The following WDTC1 variants were observed in gnomAD, a reference collection of about 807,000 sequenced individuals.
The protein encoded by WDTC1 is WD and tetratricopeptide repeats 1, also known as WD and tetratricopeptide repeats protein 1.
Under a neutral mutation model 76.0 loss-of-function variants are expected in WDTC1, and 12 were observed. The observed-to-expected ratio is 0.16, with a 90% CI of 0.10 to 0.26. The LOEUF (loss-of-function observed/expected upper bound fraction) is 0.26, where lower values mean the gene tolerates loss of function less well. WDTC1 is among the 10% of genes least tolerant of loss of function. WDTC1 has a pLI of 1.00. For synonymous variants in WDTC1, 326 were observed against 350.8 expected (o/e 0.93, Z 0.79); for missense variants, 511 against 908.8 (o/e 0.56, Z 5.63).
At chr1:27,256,931 G>T (rs928703232) in intron 1 of WDTC1, among the ~76,000 whole-genome samples, 1 of 152,106 alleles carries the variant, frequency 6.6e-6, no homozygotes, top group Non-Finnish European at 1.5e-5. Flanking sequence ...GCACGATCTC[G>T]TCTCACTGCA....
chr1:27,296,540 G>T lies in WDTC1; in HGVS notation c.949+139G>T, dbSNP rs577084173. The T allele has an allele frequency of 1.6e-5, 14 of 854,848 alleles. No homozygotes were observed. In the South Asian group the frequency reaches 2.2e-4, roughly 14 times the overall value. 53.0% of individuals were successfully genotyped at this position (854,848 alleles called of 1,614,324 possible). A position where few individuals can be genotyped will look rare whatever the true frequency, so the allele number is the denominator to read the frequency against. The stretch of plus-strand genomic sequence containing the variant: ...AGATCTCTGAAATAACCCCACCTAT[G>T]CAGTAAGAAAGAGGATGACAATAGA... On this transcript the variant is annotated intron_variant, in intron 10 of 15. Coordinates refer to ENST00000319394, the MANE Select transcript of WDTC1 (RefSeq NM_001276252.2).
chr1:27,303,668 A>G lies in WDTC1; in HGVS notation c.1516A>G (p.Thr506Ala). 1 of 1,611,888 alleles carries G rather than the reference A, an allele frequency of 6.2e-7. No homozygotes were observed. The highest frequency in any genetic ancestry group is 1.1e-5 in the South Asian group (1 of 90,698). The part of the protein sequence containing the change: ...GGGAPVRLRS[T>A]SRKDSISEDE... ...CGGCGCCCCAGTCCGCCTCCGCAGC[A>G]CGAGCCGCAAGGACTCCATCTCAGA... Residue 506 changes from threonine (T) to alanine (A), a missense_variant, in exon 14 of 16, where the codon ACG becomes GCG. Transcript: ENST00000319394. This position sits in a 1 kb window ranked among gnomAD's most constrained non-coding sequence, Gnocchi z 4.8.
chr1:27,253,760 AC>A (rs143948107), intron 1 of WDTC1, among the ~76,000 whole-genome samples: 1 of 152,252 alleles, frequency 6.6e-6, no homozygotes, highest in Non-Finnish European at 1.5e-5. Context: ...GCAGAACTGA[AC>A]ATTATGTAAT....
At chr1:27,282,212 T>C (rs780476768) in intron 3 of WDTC1, 27 bp from the exon 4 acceptor site, 1 of 1,613,282 alleles carries the variant, frequency 6.2e-7, no homozygotes, top group Non-Finnish European at 8.5e-7. Flanking sequence ...ACCAACTCTC[T>C]TCCTGTCTCT....
chr1:27,235,483 T>C (rs574747521), intron 1 of WDTC1, among the ~76,000 whole-genome samples: 68 of 151,228 alleles, frequency 4.5e-4, no homozygotes, highest in African/African-American at 1.6e-3. Flanking sequence ...CAAACAACTC[T>C]GCCAAGGTGT....
Position 27,237,072 on chromosome 1 carries a change from G to A in WDTC1, c.-100+2121G>A, listed in dbSNP as rs556374173. On this transcript the variant is annotated intron_variant, in intron 1 of 15. Coordinates refer to ENST00000319394, the MANE Select transcript of WDTC1 (RefSeq NM_001276252.2). ...AGGCTGGTCTTGAACTCCTGACCTCGTGATCCACCGACCTCGGCCTCCCAG... is the reference window on the plus strand; with the variant it reads ...AGGCTGGTCTTGAACTCCTGACCTCATGATCCACCGACCTCGGCCTCCCAG... Among the ~76,000 whole-genome samples the A allele has an allele frequency of 7.3e-4, 111 of 152,192 alleles. 1 individual carries two copies. Among genetic ancestry groups the A allele is most frequent in the Non-Finnish European group, 8.4e-4 (57 of 68,006 alleles).
chr1:27,282,249 G>A lies in WDTC1; in HGVS notation c.143G>A (p.Gly48Glu). The A allele has an allele frequency of 6.2e-7, 1 of 1,613,818 alleles. No homozygotes were observed. The highest frequency in any genetic ancestry group is 8.5e-7 in the Non-Finnish European group (1 of 1,179,810). The stretch of plus-strand genomic sequence containing the variant: ...CATTTGCTCCCCCAGGGTCACTCAG[G>A]ATGTGTCAACTGTCTGGAGTGGAAT... ...GLEAELQGHS[G>E]CVNCLEWNEK... Residue 48 changes from glycine (G) to glutamate (E), a missense_variant, in exon 4 of 16, where the codon GGA (glycine) becomes GAA (glutamate). Gly to Glu is a moderately conservative substitution (Grantham distance 98). Coordinates refer to ENST00000319394, the MANE Select transcript of WDTC1 (RefSeq NM_001276252.2).
intron 6 of WDTC1, among the ~76,000 whole-genome samples, chr1:27,290,003 AGAGAGGGAGAGGGAGACCGTGGG>A (rs1339368707): frequency 3.4e-4 from 51 of 148,462 alleles, no homozygotes; most frequent in Middle Eastern, 7.0e-3. Flanking sequence ...GACCGTGGAA[AGAGAGGGAGAGGGAGACCGTGGG>A]GAGAGGGAGA....
chr1:27,283,301 T>C, intron 4 of WDTC1, 37 bp from the exon 5 acceptor site: 1 of 1,588,982 alleles, frequency 6.3e-7, no homozygotes, highest in Middle Eastern at 1.7e-4. Context: ...AGCCTAGGAA[T>C]TTGAGGAGAG....
intron 5 of WDTC1, among the ~76,000 whole-genome samples, chr1:27,286,033 G>A (rs1231485573): frequency 1.5e-5 from 1 of 64,546 alleles, no homozygotes; most frequent in South Asian, 5.4e-4. Flanking sequence ...ATGGAGTCTT[G>A]TTTGCTCTGT....
intron 1 of WDTC1, among the ~76,000 whole-genome samples, chr1:27,242,526 A>G (rs1425402781): frequency 1.3e-5 from 2 of 150,804 alleles, no homozygotes; most frequent in African/African-American, 2.4e-5. Flanking sequence ...CTGGAGTGCA[A>G]TGGTGCAATC....
chr1:27,308,191 C>T lies in WDTC1; in HGVS notation c.*1808C>T, dbSNP rs1220667436. The T allele has an allele frequency of 4.6e-5, 7 of 152,386 alleles. No homozygotes were observed. The highest frequency in any genetic ancestry group is 7.2e-5 in the African/African-American group (3 of 41,556). The allele number at this position is 152,386 out of a possible 1,614,324, so 9.4% of individuals were successfully genotyped here. Reference sequence around the variant, plus strand: ...GCAGGAGCCGAGCCTTTTTGTTGCTCCGCTCCCAGGAGAGTGAGGGTGACG... The same window carrying T: ...GCAGGAGCCGAGCCTTTTTGTTGCTTCGCTCCCAGGAGAGTGAGGGTGACG... On this transcript the variant is annotated 3_prime_UTR_variant, in exon 16 of 16. Coordinates refer to ENST00000319394, the MANE Select transcript of WDTC1 (RefSeq NM_001276252.2).
At chr1:27,280,733 C>T (rs1055770492) in intron 3 of WDTC1, among the ~76,000 whole-genome samples, 10 of 152,166 alleles carry the variant, frequency 6.6e-5, no homozygotes, top group African/African-American at 2.4e-4. Context: ...CCTCATTACA[C>T]AAGGGTTTAG....
At chr1:27,302,009 C>T (rs1384204205) in intron 13 of WDTC1, among the ~76,000 whole-genome samples, 2 of 152,194 alleles carry the variant, frequency 1.3e-5, no homozygotes, top group Non-Finnish European at 2.9e-5. Context: ...GAGCACGAAG[C>T]CCTGCCCAGC....
intron 6 of WDTC1, 76 bp from the exon 7 acceptor site, chr1:27,292,139 C>A: frequency 7.2e-7 from 1 of 1,391,376 alleles, no homozygotes; most frequent in South Asian, 1.6e-5. Flanking sequence ...TCTTGCATAA[C>A]AAGAACTTAT....
chr1:27,269,405 T>C (rs2012784940), intron 3 of WDTC1, among the ~76,000 whole-genome samples: 1 of 149,472 alleles, frequency 6.7e-6, no homozygotes, highest in African/African-American at 2.5e-5. Context: ...CAAGAGAGAA[T>C]AGAGAATACT....
rs1234966173 is a variant in WDTC1, at chr1:27,301,763, C to G, written c.1468+302C>G. On this transcript the variant is annotated intron_variant, in intron 13 of 15. Coordinates refer to ENST00000319394, the MANE Select transcript of WDTC1 (RefSeq NM_001276252.2). The surrounding 1 kb of genome is among the most constrained non-coding windows in gnomAD (Gnocchi z 5.8). ...TAGGAGGAAGCTGAGCTCAGTCAGG[C>G]TCCCGCTAGGCATTCACACCTGCTT... Among the ~76,000 whole-genome samples the G allele has an allele frequency of 6.6e-6, 1 of 152,210 alleles. No homozygotes were observed. Among genetic ancestry groups the G allele is most frequent in the Non-Finnish European group, 1.5e-5 (1 of 68,036 alleles).
At chr1:27,280,389 G>A (rs984024135) in intron 3 of WDTC1, among the ~76,000 whole-genome samples, 2 of 152,210 alleles carry the variant, frequency 1.3e-5, no homozygotes, top group African/African-American at 4.8e-5. Context: ...ATTTTTTAAA[G>A]TTTTATTTGC....
At chr1:27,249,849 C>T (rs2147913639) in intron 1 of WDTC1, among the ~76,000 whole-genome samples, 1 of 152,298 alleles carries the variant, frequency 6.6e-6, no homozygotes, top group East Asian at 1.9e-4. Flanking sequence ...GCTGGGATTA[C>T]AGGTGTGAGC....
Sources: allele counts gnomAD v4.1 joint callset (sites outside exome capture counted in the v4.1 genomes callset), GRCh38; gene constraint gnomAD v4.1.1; non-coding constraint Gnocchi (gnomAD v3.1); transcripts MANE v1.5; gene names NCBI Gene and HGNC (gene_info 2026-07-23, HGNC 2026-07-21).